Variants in THSD7B observed in about 807,000 individuals in gnomAD.
THSD7B encodes thrombospondin type-1 domain-containing protein 7B.
A neutral mutation model predicts 213.6 loss-of-function variants in THSD7B; 138 were observed. The observed-to-expected ratio is 0.65, with a 90% CI of 0.56 to 0.74. THSD7B has a LOEUF of 0.74. Ranked by LOEUF, THSD7B falls within the 30% of genes least tolerant of loss-of-function variation. THSD7B has a pLI of 0.00. For synonymous variants in THSD7B, 742 were observed against 687.0 expected, an observed-to-expected ratio of 1.08 and a Z score of -1.25; for missense variants, 1,931 against 1,991.5, an observed-to-expected ratio of 0.97 and a Z score of 0.58.
At chr2:137,407,654 A>G (rs992694736) in intron 13 of THSD7B, among the ~76,000 whole-genome samples, 4 of 152,052 alleles carry the variant, frequency 2.6e-5, no homozygotes, top group Non-Finnish European at 4.4e-5. Context: ...CTCCAAAGCC[A>G]TGTGATTCTT....
intron 12 of THSD7B, among the ~76,000 whole-genome samples, chr2:137,287,815 AT>A (rs1558743771): frequency 6.6e-6 from 1 of 152,114 alleles, no homozygotes; most frequent in Non-Finnish European, 1.5e-5. Flanking sequence ...GAATGCAGTC[AT>A]TTGTAAAACT....
At chr2:136,934,984 T>G (rs939895556) in intron 2 of THSD7B, among the ~76,000 whole-genome samples, 3 of 152,122 alleles carry the variant, frequency 2.0e-5, no homozygotes, top group African/African-American at 4.8e-5. Context: ...TGTGGAGAAT[T>G]TAAGAAACTT....
intron 12 of THSD7B, among the ~76,000 whole-genome samples, chr2:137,400,009 C>T (rs1686313351): frequency 6.6e-6 from 1 of 151,988 alleles, no homozygotes; most frequent in Admixed American, 6.5e-5. Flanking sequence ...TTTGAAATTT[C>T]TTCAGTGAAC....
chr2:137,576,655 T>G (rs1681466381), intron 17 of THSD7B, among the ~76,000 whole-genome samples: 1 of 152,108 alleles, frequency 6.6e-6, no homozygotes, highest in South Asian at 2.1e-4. Flanking sequence ...TCTTTATGTG[T>G]GCAGGAGATA....
intron 12 of THSD7B, among the ~76,000 whole-genome samples, chr2:137,370,231 A>T (rs1685512538): frequency 6.6e-6 from 1 of 152,076 alleles, no homozygotes; most frequent in South Asian, 2.1e-4. Flanking sequence ...AATCTGTTTT[A>T]TTCACTCATT....
chr2:137,095,940 G>A (rs946786803), intron 4 of THSD7B, among the ~76,000 whole-genome samples: 7 of 152,084 alleles, frequency 4.6e-5, no homozygotes, highest in Non-Finnish European at 5.9e-5. Context: ...GGGCTTAAGC[G>A]ATACTCCCAC....
At chr2:137,439,619 A>C (rs1450486843) in intron 14 of THSD7B, among the ~76,000 whole-genome samples, 1 of 152,136 alleles carries the variant, frequency 6.6e-6, no homozygotes, top group East Asian at 1.9e-4. Flanking sequence ...AGAGCTGTGT[A>C]AATCAAAACT....
intron 2 of THSD7B, among the ~76,000 whole-genome samples, chr2:137,017,057 G>T (rs1686354927): frequency 6.6e-6 from 1 of 152,134 alleles, no homozygotes; most frequent in South Asian, 2.1e-4. Context: ...CAGTACAAGT[G>T]TAAGTTTCCA....
intron 1 of THSD7B, among the ~76,000 whole-genome samples, chr2:136,822,107 C>G (rs1433077120): frequency 1.3e-5 from 2 of 152,106 alleles, no homozygotes; most frequent in Non-Finnish European, 2.9e-5. Flanking sequence ...CATAATTGTA[C>G]GATGACTTGG....
At chr2:137,580,158 A>T (rs1681544278) in intron 17 of THSD7B, among the ~76,000 whole-genome samples, 1 of 152,168 alleles carries the variant, frequency 6.6e-6, no homozygotes, top group Admixed American at 6.5e-5. Context: ...TAAATTTCAA[A>T]TGAATATTCC....
At chr2:137,232,472 G>A (rs748257644) in intron 8 of THSD7B, among the ~76,000 whole-genome samples, 14 of 152,104 alleles carry the variant, frequency 9.2e-5, no homozygotes, top group South Asian at 2.1e-4. Context: ...TAGGAAGACC[G>A]TGCTGCATAA....
intron 12 of THSD7B, among the ~76,000 whole-genome samples, chr2:137,350,332 G>A (rs1364960997): frequency 6.6e-6 from 1 of 151,886 alleles, no homozygotes; most frequent in Non-Finnish European, 1.5e-5. Flanking sequence ...AGATTGGTCA[G>A]GAAGAGGAGA....
chr2:137,176,612 C>T (rs1265837784), intron 7 of THSD7B, among the ~76,000 whole-genome samples: 4 of 152,138 alleles, frequency 2.6e-5, no homozygotes, highest in East Asian at 1.9e-4. Flanking sequence ...TCCCCTTGGC[C>T]ATTTCCCATT....
chr2:136,937,193 A>G (rs1161161169), intron 2 of THSD7B, among the ~76,000 whole-genome samples: 1 of 151,840 alleles, frequency 6.6e-6, no homozygotes, highest in Non-Finnish European at 1.5e-5. Context: ...TTACTCTTGC[A>G]TTTACTCAGA....
chr2:137,560,718 T>C (rs1681096262), intron 15 of THSD7B, among the ~76,000 whole-genome samples: 1 of 151,552 alleles, frequency 6.6e-6, no homozygotes, highest in Non-Finnish European at 1.5e-5. Flanking sequence ...TAATAAAATA[T>C]ATATATATAT....
intron 17 of THSD7B, among the ~76,000 whole-genome samples, chr2:137,575,483 AG>A (rs1681439410): frequency 6.6e-6 from 1 of 152,052 alleles, no homozygotes; most frequent in Non-Finnish European, 1.5e-5. Flanking sequence ...TGCATCACAA[AG>A]ATAACTTTGA....
chr2:137,384,695 G>A (rs997883804), intron 12 of THSD7B, among the ~76,000 whole-genome samples: 1 of 152,180 alleles, frequency 6.6e-6, no homozygotes, highest in Non-Finnish European at 1.5e-5. Context: ...TCGTGGCCTA[G>A]AGTGACTTGG....
intron 12 of THSD7B, among the ~76,000 whole-genome samples, chr2:137,355,544 T>C (rs1319848763): frequency 1.3e-5 from 2 of 152,148 alleles, no homozygotes; most frequent in Admixed American, 6.6e-5. Context: ...AATAAACTTA[T>C]ATTTGTTCAG....
chr2:137,360,744 C>T (rs760980320), intron 12 of THSD7B, among the ~76,000 whole-genome samples: 6 of 152,228 alleles, frequency 3.9e-5, no homozygotes, highest in Non-Finnish European at 5.9e-5. Flanking sequence ...CTCAACCAGG[C>T]CTGCCTGCCT....
Sources: allele counts gnomAD v4.1 joint callset (sites outside exome capture counted in the v4.1 genomes callset), GRCh38; gene constraint gnomAD v4.1.1; transcripts MANE v1.5; gene names NCBI Gene and HGNC (gene_info 2026-07-23, HGNC 2026-07-21).